The following BMP2K variants were observed in gnomAD, a reference collection of about 807,000 sequenced individuals.
BMP2K encodes BMP2 inducible kinase, also known as BMP-2-inducible protein kinase.
A neutral mutation model predicts 116.0 loss-of-function variants in BMP2K; 74 were observed. The observed-to-expected ratio is 0.64, with a 90% CI of 0.53 to 0.77. BMP2K has a LOEUF of 0.77. Ranked by LOEUF, BMP2K falls within the 30% of genes least tolerant of loss-of-function variation. The pLI is 0.00. For synonymous variants in BMP2K, 486 were observed against 502.5 expected (o/e 0.97, Z 0.44); for missense variants, 1,365 against 1,403.6 (o/e 0.97, Z 0.44).
chr4:78,859,003 G>C (rs138517195), intron 7 of BMP2K, among the ~76,000 whole-genome samples: 1 of 151,796 alleles, frequency 6.6e-6, no homozygotes, highest in Non-Finnish European at 1.5e-5. Flanking sequence ...AGAAAACTCT[G>C]CCCATATTTC....
chr4:78,805,384 T>A (rs779776476), intron 1 of BMP2K, among the ~76,000 whole-genome samples: 1 of 152,084 alleles, frequency 6.6e-6, no homozygotes, highest in Non-Finnish European at 1.5e-5. Flanking sequence ...TTGTTTTGGC[T>A]GTTTTGGGTC....
intron 11 of BMP2K, among the ~76,000 whole-genome samples, chr4:78,871,579 G>A (rs922312111): frequency 2.6e-5 from 4 of 152,282 alleles, no homozygotes; most frequent in Middle Eastern, 3.4e-3. Flanking sequence ...TATCTTCTAG[G>A]AAAAGGTAGT....
chr4:78,850,026 T>C (rs140329975), intron 6 of BMP2K, among the ~76,000 whole-genome samples: 2 of 151,796 alleles, frequency 1.3e-5, no homozygotes, highest in South Asian at 2.1e-4. Context: ...ATTGCTGATA[T>C]AAGTGTATAC....
intron 6 of BMP2K, among the ~76,000 whole-genome samples, chr4:78,847,865 A>G (rs73830208): frequency 1.5e-3 from 229 of 151,814 alleles, no homozygotes; most frequent in African/African-American, 4.4e-3. Context: ...TGTACTTAAT[A>G]AAGTAGGAAG....
At chr4:78,824,976 C>T (rs751945548) in intron 1 of BMP2K, among the ~76,000 whole-genome samples, 3 of 152,028 alleles carry the variant, frequency 2.0e-5, no homozygotes, top group East Asian at 1.9e-4. Context: ...ACAAGGCGGG[C>T]GGATCATGAA....
intron 1 of BMP2K, among the ~76,000 whole-genome samples, chr4:78,803,303 T>A (rs1369178359): frequency 6.6e-6 from 1 of 152,196 alleles, no homozygotes; most frequent in Non-Finnish European, 1.5e-5. Context: ...AATTCCCTCA[T>A]AAAGCTCTCA....
chr4:78,910,503 C>A, intron 15 of BMP2K, 107 bp from the exon 16 acceptor site: 1 of 942,940 alleles, frequency 1.1e-6, no homozygotes, highest in Non-Finnish European at 1.5e-6. Context: ...TCTAAGGGAA[C>A]TCGTATGAGG....
intron 1 of BMP2K, among the ~76,000 whole-genome samples, chr4:78,779,770 G>C (rs961373427): frequency 9.9e-5 from 15 of 152,164 alleles, no homozygotes; most frequent in African/African-American, 3.4e-4. Context: ...TAACTAAACT[G>C]TTAAAGTTTT....
intron 2 of BMP2K, among the ~76,000 whole-genome samples, chr4:78,831,340 A>C (rs1730195969): frequency 6.6e-6 from 1 of 152,236 alleles, no homozygotes; most frequent in Non-Finnish European, 1.5e-5. Context: ...AATATGACAG[A>C]GACACAAACT....
At chr4:78,885,205 A>G (rs190688416) in intron 14 of BMP2K, among the ~76,000 whole-genome samples, 2 of 152,358 alleles carry the variant, frequency 1.3e-5, no homozygotes, top group South Asian at 4.1e-4. Flanking sequence ...TAAACAATCC[A>G]AAGTTTCATG....
At chr4:78,908,886 C>A (rs1254056890) in intron 15 of BMP2K, among the ~76,000 whole-genome samples, 2 of 151,928 alleles carry the variant, frequency 1.3e-5, no homozygotes, top group Admixed American at 6.6e-5. Flanking sequence ...GCCACTCATT[C>A]TTTTCTTTCT....
chr4:78,829,778 T>TC (rs1560518631), intron 2 of BMP2K, among the ~76,000 whole-genome samples: 109 of 106,288 alleles, frequency 1.0e-3, no homozygotes, highest in African/African-American at 4.7e-3. Flanking sequence ...TTCTTTTCTT[T>TC]TCTTTTCTTT....
chr4:78,862,747 A>T (rs1731855849), intron 9 of BMP2K, among the ~76,000 whole-genome samples: 1 of 152,138 alleles, frequency 6.6e-6, no homozygotes, highest in Non-Finnish European at 1.5e-5. Context: ...GACTTATTTT[A>T]AAAAATGGTG....
intron 15 of BMP2K, among the ~76,000 whole-genome samples, chr4:78,893,765 A>T (rs1733562898): frequency 6.6e-6 from 1 of 152,092 alleles, no homozygotes; most frequent in Non-Finnish European, 1.5e-5. Flanking sequence ...GGGTCTCACT[A>T]TGTTGCCCAG....
At chr4:78,814,009 G>C (rs1690634202) in intron 1 of BMP2K, among the ~76,000 whole-genome samples, 2 of 152,196 alleles carry the variant, frequency 1.3e-5, no homozygotes. Flanking sequence ...AAATGGTGTA[G>C]TTTCTTTGAC....
intron 7 of BMP2K, among the ~76,000 whole-genome samples, chr4:78,858,974 A>G (rs928826026): frequency 2.0e-5 from 3 of 151,908 alleles, no homozygotes; most frequent in African/African-American, 7.2e-5. Context: ...GGTTGTTTTG[A>G]AATCTGTTCA....
intron 15 of BMP2K, among the ~76,000 whole-genome samples, chr4:78,906,783 G>T (rs1376397190): frequency 6.6e-6 from 1 of 152,130 alleles, no homozygotes; most frequent in Non-Finnish European, 1.5e-5. Flanking sequence ...GCCATTCCCA[G>T]GACATGATGA....
chr4:78,900,465 A>C (rs188133754), intron 15 of BMP2K, among the ~76,000 whole-genome samples: 10 of 152,334 alleles, frequency 6.6e-5, no homozygotes, highest in African/African-American at 2.2e-4. Context: ...TGGAGAGATA[A>C]AGTCAGTAGC....
intron 1 of BMP2K, 45 bp from the exon 2 acceptor site, chr4:78,825,992 T>G: frequency 7.2e-7 from 1 of 1,381,536 alleles, no homozygotes; most frequent in Non-Finnish European, 1.0e-6. Context: ...GATTTTGGCA[T>G]TTGTTTTTGT....
Sources: allele counts gnomAD v4.1 joint callset (sites outside exome capture counted in the v4.1 genomes callset), GRCh38; gene constraint gnomAD v4.1.1; transcripts MANE v1.5; gene names NCBI Gene and HGNC (gene_info 2026-07-23, HGNC 2026-07-21).